The following PCSK1 variants were observed in gnomAD, a reference collection of about 807,000 sequenced individuals.
PCSK1 encodes the protein proprotein convertase subtilisin/kexin type 1.
PCSK1 carries 56 observed loss-of-function variants against 90.6 expected under a neutral mutation model. The ratio of observed to expected loss-of-function variants is 0.62; its 90% CI spans 0.50 to 0.77. The LOEUF (loss-of-function observed/expected upper bound fraction) is 0.77. PCSK1 is among the 30% of genes least tolerant of loss of function. The probability of loss-of-function intolerance (pLI) is 0.00; values close to 1 mark genes in which losing one functional copy is unlikely to be tolerated. For synonymous variants in PCSK1, 348 were observed against 342.4 expected (o/e 1.02, Z -0.18); for missense variants, 801 against 932.6 (o/e 0.86, Z 1.84).
rs111380006 is a variant in PCSK1, at chr5:96,416,118, G to A, written c.624C>T (p.His208=). 8.8e-5 allele frequency: 141 copies of A among 1,602,982 alleles called. 6 individuals are homozygous for A. The highest frequency in any genetic ancestry group is 6.6e-4 in the Middle Eastern group (4 of 6,052). Reference sequence around the variant, plus strand: ...CAATTTCTCCTGCACATCTGGTCCCGTGTCTGAGGATTGAAAAATAAGAAT... The same window carrying A: ...CAATTTCTCCTGCACATCTGGTCCCATGTCTGAGGATTGAAAAATAAGAAT... ...PRYDPTNENK[H]GTRCAGEIAM... Residue 208 remains histidine, a synonymous_variant, in exon 6 of 14, where the codon CAC becomes CAT. Transcript: ENST00000311106.
rs1460219605 is a variant in PCSK1 at position 96,392,442 on chromosome 5, A to C, written c.*559T>G. The C allele has an allele frequency of 1.3e-5, 2 of 154,448 alleles. No homozygotes were observed. The highest frequency in any genetic ancestry group is 4.8e-5 in the African/African-American group (2 of 41,480). 9.6% of individuals were successfully genotyped at this position (154,448 alleles called of 1,614,324 possible). ...GATCTAAATAATCCAGCTTTTGACC[A>C]ACATGACCAGATTTTGACTACAGGA... is the stretch of plus-strand genomic sequence containing the variant. On this transcript the variant is annotated 3_prime_UTR_variant, in exon 14 of 14. Coordinates refer to ENST00000311106, the MANE Select transcript of PCSK1 (RefSeq NM_000439.5).
At chr5:96,423,876 G>A (rs763789250) in intron 3 of PCSK1, among the ~76,000 whole-genome samples, 1 of 152,182 alleles carries the variant, frequency 6.6e-6, no homozygotes, top group Non-Finnish European at 1.5e-5. Flanking sequence ...ATTGCCTGGT[G>A]CATAGTCATT....
At chr5:96,421,840 T>A (rs1761137227) in intron 5 of PCSK1, 40 bp downstream of exon 5, 8 of 1,053,682 alleles carry the variant, frequency 7.6e-6, no homozygotes, top group Non-Finnish European at 1.2e-5. Flanking sequence ...ATAAAAGCAT[T>A]GTAAAGTACT....
intron 7 of PCSK1, 89 bp downstream of exon 7, chr5:96,412,229 T>A (rs1274618166): frequency 9.0e-7 from 1 of 1,111,240 alleles, no homozygotes; most frequent in East Asian, 2.3e-5. Context: ...CACAACAATG[T>A]TATTCCATGT....
Position 96,429,242 on chromosome 5 carries a change from T to C in PCSK1, c.256A>G (p.Ile86Val), listed in dbSNP as rs1400328008. 4.4e-6 allele frequency: 7 copies of C among 1,590,380 alleles called. No homozygotes were observed. The East Asian group carries it at 8.9e-5, about 20-fold the overall frequency. Residue 86 changes from isoleucine to valine, a missense_variant, in exon 2 of 14, where the codon ATC becomes GTC. Physicochemically the swap from Ile to Val is conservative, Grantham distance 29. Transcript: ENST00000311106. ...TCATCATCAGATAATCTCTTAGTGA[T>C]ATGAAAGGCACTCCTTCGAGACCTT... ...PRRSRRSAFH[I>V]TKRLSDDDRV...
chr5:96,429,447 T>A, intron 1 of PCSK1, 130 bp from the exon 2 acceptor site: 1 of 626,046 alleles, frequency 1.6e-6, no homozygotes. Flanking sequence ...AAATTAATAT[T>A]TTTTTTCTTT....
intron 3 of PCSK1, among the ~76,000 whole-genome samples, chr5:96,425,130 T>A (rs946648734): frequency 1.3e-4 from 20 of 152,086 alleles, no homozygotes; most frequent in African/African-American, 4.8e-4. Flanking sequence ...AACAAGAGTA[T>A]CAAAGTCTTA....
chr5:96,398,946 T>C lies in PCSK1; in HGVS notation c.1521A>G (p.Val507=). ...QENAIKSLEH[V]QFEATIEYSR... ...AATATTCAATTGTTGCTTCAAATTG[T>C]ACATGCTCCAGGGACTTGATAGCAT... The change falls in exon 11 of 14, where the codon GTA becomes GTG. Residue 507 remains valine (V), a synonymous_variant. Transcript: ENST00000311106. 6.2e-7 allele frequency: 1 copy of C among 1,612,926 alleles called. No individual in the cohort carries two copies. The highest frequency in any genetic ancestry group is 8.5e-7 in the Non-Finnish European group (1 of 1,178,884).
intron 9 of PCSK1, among the ~76,000 whole-genome samples, chr5:96,407,410 A>C (rs1760609291): frequency 6.6e-6 from 1 of 152,342 alleles, no homozygotes; most frequent in East Asian, 1.9e-4. Context: ...TTCACCTATC[A>C]ACATAGCAAA....
chr5:96,430,144 A>G (rs1389568541), intron 1 of PCSK1, among the ~76,000 whole-genome samples: 2 of 152,202 alleles, frequency 1.3e-5, no homozygotes, highest in African/African-American at 4.8e-5. Context: ...TCAGAAAAGA[A>G]CATGCTACAT....
At chr5:96,413,963 CAAAAAAAAA>C (rs61316405) in intron 6 of PCSK1, among the ~76,000 whole-genome samples, 244 of 22,430 alleles carry the variant, frequency 0.011, 2 homozygotes, top group African/African-American at 0.021. Context: ...ACTAAAAATA[CAAAAAAAAA>C]AAAAAAAAAA....
chr5:96,424,572 A>C (rs1022376425), intron 3 of PCSK1, among the ~76,000 whole-genome samples: 2 of 152,238 alleles, frequency 1.3e-5, no homozygotes, highest in African/African-American at 2.4e-5. Context: ...AAAATGAATT[A>C]ATTCATATCA....
chr5:96,425,797 A>T, intron 3 of PCSK1, 23 bp downstream of exon 3: 1 of 1,307,044 alleles, frequency 7.7e-7, no homozygotes, highest in Non-Finnish European at 1.1e-6. Context: ...TCCCACCCAC[A>T]TAGTCCTTCT....
chr5:96,412,256 C>T, intron 7 of PCSK1, 62 bp downstream of exon 7: 1 of 1,295,214 alleles, frequency 7.7e-7, no homozygotes, highest in Non-Finnish European at 1.1e-6. Context: ...AGTGTTCTTT[C>T]CTTCTCCTCA....
chr5:96,428,897 A>C (rs1222163197), intron 2 of PCSK1, among the ~76,000 whole-genome samples: 1 of 152,128 alleles, frequency 6.6e-6, no homozygotes, highest in East Asian at 1.9e-4. Context: ...CTCTCATTTT[A>C]AATATTCACT....
At chr5:96,411,086 G>C in intron 7 of PCSK1, 100 bp from the exon 8 acceptor site, 5 of 878,210 alleles carry the variant, frequency 5.7e-6, no homozygotes, top group Non-Finnish European at 7.8e-6. Context: ...GAAATTCTCA[G>C]AGACAGCTAT....
At chr5:96,430,567 A>G (rs1761459247) in intron 1 of PCSK1, among the ~76,000 whole-genome samples, 1 of 152,158 alleles carries the variant, frequency 6.6e-6, no homozygotes, top group South Asian at 2.1e-4. Context: ...CACTACCTTA[A>G]TCCAAGCTTT....
intron 6 of PCSK1, among the ~76,000 whole-genome samples, chr5:96,412,752 GTTTTTTTTTT>G (rs57397343): frequency 1.4e-5 from 1 of 71,832 alleles, no homozygotes; most frequent in African/African-American, 9.0e-5. Flanking sequence ...CAGCTGTGAT[GTTTTTTTTTT>G]TTTTTTTTTT....
At chr5:96,427,166 A>G (rs1243429081) in intron 2 of PCSK1, among the ~76,000 whole-genome samples, 6 of 152,328 alleles carry the variant, frequency 3.9e-5, no homozygotes, top group Non-Finnish European at 7.3e-5. Context: ...ATTTGAAAGA[A>G]TATTATCCTC....
Sources: gnomAD v4.1 joint callset for allele counts (sites outside exome capture counted in the v4.1 genomes callset) on GRCh38, gnomAD v4.1.1 for gene constraint, MANE v1.5 for transcripts, NCBI Gene and HGNC (gene_info 2026-07-23, HGNC 2026-07-21) for gene names.